The following UGT2B11 variants were observed in gnomAD, a reference collection of about 807,000 sequenced individuals.
UGT2B11 encodes the protein UDP-glucuronosyltransferase 2B11.
Under a neutral mutation model 51.7 loss-of-function variants are expected in UGT2B11, and 49 were observed. That is an observed-to-expected ratio of 0.95 (90% CI 0.75 to 1.20). The LOEUF (loss-of-function observed/expected upper bound fraction) is 1.20, where lower values mean the gene tolerates loss of function less well. Among genes scored for constraint, UGT2B11 ranks in the 50% most tolerant of loss-of-function variants. The probability of loss-of-function intolerance (pLI) is 0.00; values close to 1 mark genes in which losing one functional copy is unlikely to be tolerated. For synonymous variants in UGT2B11, 273 were observed against 209.0 expected (o/e 1.31, Z -2.64); for missense variants, 810 against 622.1 (o/e 1.30, Z -3.21).
intron 5 of UGT2B11, 64 bp downstream of exon 5, chr4:69,204,366 G>C: frequency 2.5e-6 from 4 of 1,592,138 alleles, no homozygotes; most frequent in Non-Finnish European, 8.6e-7. Context: ...TGAAACTCAT[G>C]CTCACTATTG....
In UGT2B11 at chr4:69,214,108, C is replaced by T. The variant is rs1445214550; in HGVS notation, c.615G>A (p.Met205Ile). Reference sequence around the variant, plus strand: ...TATTTTTTACCCTCTCCATGAAAGTCATTTGATCACTTAATTTTGACATAA... The same window carrying T: ...TATTTTTTACCCTCTCCATGAAAGTTATTTGATCACTTAATTTTGACATAA... The part of the protein sequence containing the change: ...PIVMSKLSDQ[M>I]TFMERVKNMI... The change falls in exon 1 of 6, where the codon ATG (methionine) becomes ATA (isoleucine). Residue 205 changes from methionine (M) to isoleucine (I), a missense_variant. Transcript: ENST00000446444. 4 of 1,612,082 alleles carry T rather than the reference C, an allele frequency of 2.5e-6. No individual in the cohort carries two copies. Among genetic ancestry groups the T allele is most frequent in the Admixed American group, 1.7e-5 (1 of 59,714 alleles).
chr4:69,202,240 C>T (rs534369594), intron 5 of UGT2B11, among the ~76,000 whole-genome samples: 12 of 151,802 alleles, frequency 7.9e-5, no homozygotes, highest in African/African-American at 2.9e-4. Context: ...CACGAACACT[C>T]TGCTATACAG....
chr4:69,214,704 A>C lies in UGT2B11; in HGVS notation c.19T>G (p.Ser7Ala). Residue 7 changes from serine (S) to alanine (A), a missense_variant, in exon 1 of 6, where the codon TCA becomes GCA. Ser to Ala is a moderately conservative substitution (Grantham distance 99). Coordinates refer to ENST00000446444, the MANE Select transcript of UGT2B11 (RefSeq NM_001073.3). MTLKWT[S>A]VLLLIHLSCY... ...CTGAGATGTATCAGCAGAAGAACTG[A>C]AGTCCATTTCAGAGTCATCCTGGTG... is the stretch of plus-strand genomic sequence containing the variant. The C allele has an allele frequency of 6.2e-7, 1 of 1,612,576 alleles. No individual in the cohort carries two copies. The highest frequency in any genetic ancestry group is 8.5e-7 in the Non-Finnish European group (1 of 1,178,976).
chr4:69,200,365 A>G lies in UGT2B11; in HGVS notation c.*75T>C. ...AGGAAGAAAGAAATCTTGCATAACA[A>G]TCTTTTCTTTCTTGCTGGAATAAAC... On this transcript the variant is annotated 3_prime_UTR_variant, in exon 6 of 6. Coordinates refer to ENST00000446444, the MANE Select transcript of UGT2B11 (RefSeq NM_001073.3). 7.3e-7 allele frequency: 1 copy of G among 1,365,112 alleles called. No individual in the cohort carries two copies. Among genetic ancestry groups the G allele is most frequent in the Non-Finnish European group, 9.5e-7 (1 of 1,049,886 alleles). The allele number at this position is 1,365,112 out of a possible 1,614,324, so 84.6% of individuals were successfully genotyped here.
chr4:69,210,752 T>C (rs1379328457), intron 2 of UGT2B11, among the ~76,000 whole-genome samples: 1 of 151,582 alleles, frequency 6.6e-6, no homozygotes, highest in Non-Finnish European at 1.5e-5. Context: ...ATAAAGCCCA[T>C]ACAATTTGCA....
At chr4:69,223,688 G>C in the UGT2B11 span, among the ~76,000 whole-genome samples, 76 of 152,242 alleles carry the variant, frequency 5.0e-4, 4 homozygotes, top group South Asian at 0.013. Flanking sequence ...AAGCTTAAAG[G>C]GGGTGGTGGA....
At chr4:69,206,151 T>A (rs1232457417) in intron 3 of UGT2B11, among the ~76,000 whole-genome samples, 4 of 151,436 alleles carry the variant, frequency 2.6e-5, no homozygotes, top group Non-Finnish European at 3.0e-5. Flanking sequence ...TATAACTGGT[T>A]CTTTTATGAA....
chr4:69,206,803 A>G (rs967612301), intron 3 of UGT2B11, among the ~76,000 whole-genome samples: 2 of 151,524 alleles, frequency 1.3e-5, no homozygotes, highest in Non-Finnish European at 3.0e-5. Context: ...TTTAATTGTA[A>G]TGTATTCGTT....
intron 1 of UGT2B11, 144 bp from the exon 2 acceptor site, chr4:69,212,865 T>C (rs940623499): frequency 2.8e-6 from 2 of 707,374 alleles, no homozygotes; most frequent in Non-Finnish European, 1.9e-6. Flanking sequence ...ATGAATAATA[T>C]ATTATTATGT....
At chr4:69,222,622 TC>T in the UGT2B11 span, among the ~76,000 whole-genome samples, 1 of 152,210 alleles carries the variant, frequency 6.6e-6, no homozygotes, top group Non-Finnish European at 1.5e-5. Context: ...TAAAGCTGCT[TC>T]TTTTTCAGTA....
At chr4:69,214,913 T>C, upstream of UGT2B11, 1 of 937,184 alleles carries the variant, frequency 1.1e-6, no homozygotes, top group Non-Finnish European at 1.5e-6. Context: ...GGATGTTTTA[T>C]GTTTCTTTTA....
At chr4:69,220,841 G>T in the UGT2B11 span, among the ~76,000 whole-genome samples, 87 of 152,146 alleles carry the variant, frequency 5.7e-4, no homozygotes, top group African/African-American at 2.0e-3. Flanking sequence ...CTGTTAATAA[G>T]TCTAGGGCTC....
chr4:69,217,632 A>G (rs1442216368), upstream of UGT2B11, among the ~76,000 whole-genome samples: 3 of 152,028 alleles, frequency 2.0e-5, no homozygotes, highest in Admixed American at 1.3e-4. Flanking sequence ...ATGCCTGGTC[A>G]TATGTAAGAT....
chr4:69,212,378 A>G lies in UGT2B11; in HGVS notation c.870+195T>C, dbSNP rs182280419. 2.6e-4 allele frequency among the ~76,000 whole-genome samples: 40 copies of G among 151,680 alleles called. No individual in the cohort carries two copies. The East Asian group carries it at 6.7e-3, about 25-fold the overall frequency. ...CAAAGTCTCCTTACTATTCCTCTCT[A>G]TTTGTAATATGCATAAAACTCACAT... On this transcript the variant is annotated intron_variant, in intron 2 of 5. Transcript: ENST00000446444.
the UGT2B11 span, among the ~76,000 whole-genome samples, chr4:69,223,394 T>G: frequency 6.6e-6 from 1 of 152,190 alleles, no homozygotes; most frequent in African/African-American, 2.4e-5. Context: ...TCAAAGCTCA[T>G]GGCCACTTTT....
the UGT2B11 span, among the ~76,000 whole-genome samples, chr4:69,224,415 C>G: frequency 6.6e-6 from 1 of 152,102 alleles, no homozygotes; most frequent in African/African-American, 2.4e-5. Context: ...TCCAGACTTA[C>G]CAACATTCCC....
intron 2 of UGT2B11, among the ~76,000 whole-genome samples, chr4:69,212,303 C>T (rs1345100661): frequency 1.3e-5 from 2 of 151,452 alleles, no homozygotes; most frequent in Non-Finnish European, 3.0e-5. Flanking sequence ...ATGACCAATA[C>T]CTTCTTAGGT....
intron 3 of UGT2B11, 114 bp downstream of exon 3, chr4:69,208,237 G>A: frequency 6.5e-7 from 1 of 1,544,002 alleles, no homozygotes; most frequent in South Asian, 1.2e-5. Context: ...CATATTTAAG[G>A]ATGTATTTGG....
chr4:69,205,904 C>A (rs1721837048), intron 3 of UGT2B11, among the ~76,000 whole-genome samples: 1 of 151,546 alleles, frequency 6.6e-6, no homozygotes, highest in African/African-American at 2.4e-5. Flanking sequence ...TAGAGAAATT[C>A]AAATCAAAAC....
Sources: allele counts gnomAD v4.1 joint callset (sites outside exome capture counted in the v4.1 genomes callset), GRCh38; gene constraint gnomAD v4.1.1; transcripts MANE v1.5; gene names NCBI Gene and HGNC (gene_info 2026-07-23, HGNC 2026-07-21).